Variants in RAF1 observed in about 807,000 individuals in gnomAD.
RAF1 encodes the protein Raf-1 proto-oncogene, serine/threonine kinase, also known as RAF proto-oncogene serine/threonine-protein kinase.
Under a neutral mutation model 81.1 loss-of-function variants are expected in RAF1, and 27 were observed. The ratio of observed to expected loss-of-function variants is 0.33; its 90% confidence interval spans 0.25 to 0.46. The LOEUF (loss-of-function observed/expected upper bound fraction) is 0.46, where lower values mean the gene tolerates loss of function less well. Among genes scored for constraint, RAF1 ranks in the 20% least tolerant of loss-of-function variants. The pLI is 1.00. For missense variants in RAF1, 598 were observed against 826.0 expected (o/e 0.72, Z 3.38); for synonymous variants, 298 against 294.0 (o/e 1.01, Z -0.14).
chr3:12,638,078 A>G (rs139338354), intron 1 of RAF1, among the ~76,000 whole-genome samples: 1 of 152,142 alleles, frequency 6.6e-6, no homozygotes, highest in Non-Finnish European at 1.5e-5. Context: ...TTTTCATAAT[A>G]ATTTATCACC....
intron 1 of RAF1, among the ~76,000 whole-genome samples, chr3:12,622,158 G>A (rs1351662725): frequency 6.6e-6 from 1 of 152,074 alleles, no homozygotes; most frequent in South Asian, 2.1e-4. Context: ...AGTACATACA[G>A]CTCCTCTTTT....
intron 17 of RAF1, 77 bp from the exon 17 acceptor site, chr3:12,584,734 T>TA: frequency 6.2e-7 from 1 of 1,613,038 alleles, no homozygotes; most frequent in East Asian, 2.2e-5. Flanking sequence ...CACCATCTTG[T>TA]AGAGGACCTG....
In RAF1 at chr3:12,594,572, T is replaced by G. The variant is rs536242263; in HGVS notation, c.1169-2780A>C. On this transcript the variant is annotated intron_variant, in intron 11 of 17. Transcript: ENST00000442415. ...TTCAGAGCCAAGCCCACGCAGTGAC[T>G]TACTCTGACCTTGCAGTCGGCTGAA... Among the ~76,000 whole-genome samples the G allele has an allele frequency of 3.9e-5, 6 of 152,304 alleles. No homozygotes were observed. In the East Asian group the frequency reaches 1.2e-3, roughly 29 times the overall value.
chr3:12,630,976 G>C (rs5746183), intron 1 of RAF1, among the ~76,000 whole-genome samples: 1 of 151,972 alleles, frequency 6.6e-6, no homozygotes, highest in Non-Finnish European at 1.5e-5. Context: ...ACTAATTTTT[G>C]TATTTTTTTG....
Position 12,605,718 on chromosome 3 carries a change from GA to G in RAF1, c.680+482del, listed in dbSNP as rs144687259. Among the ~76,000 whole-genome samples, 986 of 152,230 alleles carry G rather than the reference GA, an allele frequency of 6.5e-3. 7 individuals are homozygous for G. The highest frequency in any genetic ancestry group is 0.023 in the African/African-American group (958 of 41,506). On this transcript the variant is annotated intron_variant, in intron 6 of 17. Transcript: ENST00000442415. Reference sequence around the variant, plus strand: ...GAAAGACAAGTTATATGCAAACTCAGAGACACATGAGAAACAATATTTATGC... The same window carrying G: ...GAAAGACAAGTTATATGCAAACTCAGGACACATGAGAAACAATATTTATGC...
At chr3:12,593,137 C>A (rs2058572749) in intron 11 of RAF1, among the ~76,000 whole-genome samples, 1 of 149,054 alleles carries the variant, frequency 6.7e-6, no homozygotes, top group African/African-American at 2.5e-5. Context: ...GTTACCTAGG[C>A]TGGAATGCAG....
At chr3:12,650,543 C>G (rs1362384597) in intron 1 of RAF1, among the ~76,000 whole-genome samples, 1 of 152,052 alleles carries the variant, frequency 6.6e-6, no homozygotes, top group Non-Finnish European at 1.5e-5. Flanking sequence ...TCTAAAGAAC[C>G]AGAATGCCTC....
intron 1 of RAF1, among the ~76,000 whole-genome samples, chr3:12,644,084 C>T (rs2060272384): frequency 6.6e-6 from 1 of 152,040 alleles, no homozygotes; most frequent in South Asian, 2.1e-4. Flanking sequence ...TTATCATATC[C>T]TGTAAAAAAT....
rs754710047 is a variant in RAF1, at chr3:12,600,205, G to T, written c.997C>A (p.Pro333Thr). Residue 333 changes from proline (P) to threonine (T), a missense_variant, in exon 10 of 18, where the codon CCA becomes ACA. Transcript: ENST00000442415. ...ACTGGTGCCCGCTCTCTTTGTGCTG[G>T]CACGGGGGTTTTCGGCTGTGACCAG... 2 of 1,614,172 alleles carry T rather than the reference G, an allele frequency of 1.2e-6. No individual in the cohort carries two copies. Among genetic ancestry groups the T allele is most frequent in the Non-Finnish European group, 1.7e-6 (2 of 1,180,044 alleles).
rs139616156 is a variant in RAF1, at chr3:12,605,250, A to ATGTGTGTG, written c.680+943_680+950dup. ...ATTAAACATTATCTGATTACACATT[A>ATGTGTGTG]TGTGTGTGTGTGTGTGTGTGTGTGT... On this transcript the variant is annotated intron_variant, in intron 6 of 17. Coordinates refer to ENST00000442415, the MANE Select transcript of RAF1 (RefSeq NM_001354689.3). Among the ~76,000 whole-genome samples, 1,220 of 144,622 alleles carry ATGTGTGTG rather than the reference A, an allele frequency of 8.4e-3. 13 individuals carry two copies. The highest frequency in any genetic ancestry group is 0.012 in the Admixed American group (179 of 14,354). 94.9% of individuals were successfully genotyped at this position (144,622 alleles called of 152,430 possible). A position where few individuals can be genotyped will look rare whatever the true frequency, so the allele number is the denominator to read the frequency against.
At chr3:12,593,474 A>G (rs1457115978) in intron 11 of RAF1, among the ~76,000 whole-genome samples, 3 of 150,450 alleles carry the variant, frequency 2.0e-5, no homozygotes, top group East Asian at 3.9e-4. Context: ...TTTATCATCT[A>G]AAGTTTCAAC....
chr3:12,631,117 C>T (rs2059846603), intron 1 of RAF1, among the ~76,000 whole-genome samples: 1 of 152,086 alleles, frequency 6.6e-6, no homozygotes, highest in Non-Finnish European at 1.5e-5. Context: ...GAGTTCGAGA[C>T]CAGTCTGAGC....
rs369974062 is a variant in RAF1 at position 12,611,556 on chromosome 3, C to T, written c.320+394G>A. 5.8e-4 allele frequency among the ~76,000 whole-genome samples: 89 copies of T among 152,142 alleles called. 2 individuals are homozygous for T. The East Asian group carries it at 8.1e-3, about 14-fold the overall frequency. ...TCTACTAAAAATACAAAAAATTAGCCGGGCGCGGTGGTGGGCGCCTGTAGT... is the reference window on the plus strand; with the variant it reads ...TCTACTAAAAATACAAAAAATTAGCTGGGCGCGGTGGTGGGCGCCTGTAGT... On this transcript the variant is annotated intron_variant, in intron 3 of 17. Transcript: ENST00000442415.
rs2058234142 is a variant in RAF1 at position 12,584,077 on chromosome 3, TGAAGAA to T, written c.*431_*436del. 3.2e-6 allele frequency: 1 copy of T among 315,300 alleles called. No homozygotes were observed. The highest frequency in any genetic ancestry group is 6.0e-6 in the Non-Finnish European group (1 of 165,626). 19.5% of individuals were successfully genotyped at this position (315,300 alleles called of 1,614,324 possible). ...AAATGTCTGGCGCTGCACCACTCTC[TGAAGAA>T]AGTCCCGCCTGTGACATGCATTCCT... On this transcript the variant is annotated 3_prime_UTR_variant, in exon 18 of 18. Coordinates refer to ENST00000442415, the MANE Select transcript of RAF1 (RefSeq NM_001354689.3).
At chr3:12,629,281 G>C (rs1348652095) in intron 1 of RAF1, among the ~76,000 whole-genome samples, 2 of 152,024 alleles carry the variant, frequency 1.3e-5, no homozygotes, top group Admixed American at 1.3e-4. Flanking sequence ...ACAAACACTT[G>C]ACAAAGCTTG....
intron 6 of RAF1, 90 bp downstream of exon 6, chr3:12,606,111 T>C: frequency 2.2e-6 from 2 of 903,172 alleles, no homozygotes; most frequent in Non-Finnish European, 3.6e-6. Context: ...GAGGAGGGAA[T>C]GCGAAGAAAC....
intron 1 of RAF1, among the ~76,000 whole-genome samples, chr3:12,619,048 A>T (rs1034417910): frequency 6.7e-6 from 1 of 149,798 alleles, no homozygotes; most frequent in Admixed American, 6.7e-5. Flanking sequence ...GATGGAGACC[A>T]TCCTGGCTAA....
chr3:12,602,317 C>A (rs1322270923), intron 8 of RAF1, among the ~76,000 whole-genome samples: 3 of 152,154 alleles, frequency 2.0e-5, no homozygotes, highest in Non-Finnish European at 2.9e-5. Flanking sequence ...TAACAGGAAT[C>A]AAAATTTACC....
chr3:12,587,770 T>C, intron 13 of RAF1, 133 bp from the exon 13 acceptor site: 1 of 728,678 alleles, frequency 1.4e-6, no homozygotes, highest in African/African-American at 1.8e-5. Flanking sequence ...ATAGACCCTG[T>C]GCTGTTCAGC....
Sources: allele counts gnomAD v4.1 joint callset (sites outside exome capture counted in the v4.1 genomes callset), GRCh38; gene constraint gnomAD v4.1.1; transcripts MANE v1.5; gene names NCBI Gene and HGNC (gene_info 2026-07-23, HGNC 2026-07-21).